VPS13B: variants seen among roughly 807,000 people sequenced by gnomAD.
VPS13B encodes the protein intermembrane lipid transfer protein VPS13B.
VPS13B carries 285 observed loss-of-function variants against 426.4 expected under a neutral mutation model. The ratio of observed to expected loss-of-function variants is 0.67; its 90% CI spans 0.61 to 0.74. The LOEUF is 0.74. Ranked by LOEUF, VPS13B falls within the 30% of genes least tolerant of loss-of-function variation. The pLI is 0.00. For synonymous variants in VPS13B, 1,676 were observed against 1,676.4 expected, an observed-to-expected ratio of 1.00 and a Z score of 0.01; for missense variants, 4,537 against 4,782.6, an observed-to-expected ratio of 0.95 and a Z score of 1.51.
intron 51 of VPS13B, among the ~76,000 whole-genome samples, chr8:99,831,676 A>G (rs1349346585): frequency 6.6e-6 from 1 of 152,214 alleles, no homozygotes; most frequent in East Asian, 1.9e-4. Context: ...CAATACAACA[A>G]TTTTTAAAAT....
chr8:99,018,259 G>A (rs891523257), intron 2 of VPS13B, among the ~76,000 whole-genome samples: 2 of 152,090 alleles, frequency 1.3e-5, no homozygotes, highest in African/African-American at 2.4e-5. Flanking sequence ...GGTGGCTCAC[G>A]CCTGTAATCC....
At chr8:99,835,347 T>C (rs1378968504) in intron 53 of VPS13B, 23 bp downstream of exon 53, 1 of 1,601,262 alleles carries the variant, frequency 6.2e-7, no homozygotes, top group Non-Finnish European at 8.6e-7. Flanking sequence ...CTATCGAATT[T>C]AGATAATACT....
chr8:99,844,517 G>A (rs1184509929), intron 54 of VPS13B, among the ~76,000 whole-genome samples: 1 of 151,942 alleles, frequency 6.6e-6, no homozygotes, highest in Admixed American at 6.6e-5. Flanking sequence ...ACAGGCACCC[G>A]CCACCATGCC....
intron 3 of VPS13B, among the ~76,000 whole-genome samples, chr8:99,078,895 A>G (rs1845287693): frequency 6.6e-6 from 1 of 152,064 alleles, no homozygotes; most frequent in Non-Finnish European, 1.5e-5. Flanking sequence ...TGGGAGATGC[A>G]TGCTGGTGCC....
intron 17 of VPS13B, chr8:99,233,129 T>C: frequency 3.0e-6 from 4 of 1,348,340 alleles, no homozygotes; most frequent in Non-Finnish European, 3.2e-6. Context: ...TCCCTGATAC[T>C]GCGCTGTGCA....
intron 19 of VPS13B, among the ~76,000 whole-genome samples, chr8:99,284,799 G>A (rs965510946): frequency 6.6e-6 from 1 of 152,002 alleles, no homozygotes; most frequent in Non-Finnish European, 1.5e-5. Context: ...ACGTTCAAGC[G>A]ATCTTTCCAC....
rs1305114915 is a variant in VPS13B at position 99,372,266 on chromosome 8, C to A, written c.2825-11942C>A. ...CTCCGTCTCAAAAAAAAAAAAAAAA[C>A]AAAAAACACCAAAAGCAATGGCAAC... On this transcript the variant is annotated intron_variant, in intron 19 of 61. Transcript: ENST00000357162. Among the ~76,000 whole-genome samples the A allele has an allele frequency of 9.5e-3, 1,303 of 137,822 alleles. 18 individuals are homozygous for A. Among genetic ancestry groups the A allele is most frequent in the African/African-American group, 0.03 (1,116 of 36,970 alleles). The allele number at this position is 137,822 out of a possible 152,430, so 90.4% of individuals were successfully genotyped here.
chr8:99,651,577 T>A (rs1829814838), intron 34 of VPS13B, among the ~76,000 whole-genome samples: 1 of 152,182 alleles, frequency 6.6e-6, no homozygotes, highest in Non-Finnish European at 1.5e-5. Context: ...AGCACCTTTA[T>A]ACATAGCAGC....
intron 24 of VPS13B, among the ~76,000 whole-genome samples, chr8:99,472,841 G>T (rs1819485124): frequency 6.6e-6 from 1 of 151,830 alleles, no homozygotes; most frequent in Admixed American, 6.6e-5. Context: ...ATGAATAAAG[G>T]GGAGTTGATA....
chr8:99,071,384 G>C (rs1844844033), intron 3 of VPS13B, among the ~76,000 whole-genome samples: 1 of 152,136 alleles, frequency 6.6e-6, no homozygotes, highest in African/African-American at 2.4e-5. Flanking sequence ...TCTTCAGTAA[G>C]GTCCAAGAGA....
intron 17 of VPS13B, among the ~76,000 whole-genome samples, chr8:99,258,403 A>T (rs986222601): frequency 6.6e-6 from 1 of 151,972 alleles, no homozygotes; most frequent in Admixed American, 6.6e-5. Context: ...AATCACTCTA[A>T]TATTGCATCA....
chr8:99,404,309 A>G (rs1289609301), intron 21 of VPS13B, among the ~76,000 whole-genome samples: 4 of 152,212 alleles, frequency 2.6e-5, no homozygotes, highest in African/African-American at 9.6e-5. Flanking sequence ...AAATTCAACC[A>G]ATTTTTTTTT....
intron 3 of VPS13B, among the ~76,000 whole-genome samples, chr8:99,051,349 G>A (rs1305083082): frequency 6.6e-6 from 1 of 152,094 alleles, no homozygotes; most frequent in Non-Finnish European, 1.5e-5. Context: ...TAGATATGCG[G>A]CATTATTTCT....
At chr8:99,803,788 T>C (rs775597481) in intron 43 of VPS13B, among the ~76,000 whole-genome samples, 1 of 152,232 alleles carries the variant, frequency 6.6e-6, no homozygotes, top group Non-Finnish European at 1.5e-5. Context: ...CAGTTCCACT[T>C]AGACTCATGT....
At chr8:99,518,127 C>T (rs1822186115) in intron 29 of VPS13B, among the ~76,000 whole-genome samples, 1 of 151,812 alleles carries the variant, frequency 6.6e-6, no homozygotes, top group Non-Finnish European at 1.5e-5. Context: ...GTATGTAACA[C>T]CAAGTACGTC....
At chr8:99,414,535 AT>A (rs1815881627) in intron 21 of VPS13B, among the ~76,000 whole-genome samples, 1 of 152,014 alleles carries the variant, frequency 6.6e-6, no homozygotes, top group South Asian at 2.1e-4. Context: ...ACAATTTGGT[AT>A]GTTTTTGCAG....
At chr8:99,225,393 C>T (rs1815961853) in intron 17 of VPS13B, among the ~76,000 whole-genome samples, 1 of 152,098 alleles carries the variant, frequency 6.6e-6, no homozygotes, top group Non-Finnish European at 1.5e-5. Flanking sequence ...CATTCTGCCT[C>T]AGCCTCCCGA....
At chr8:99,784,234 C>T (rs1812151001) in intron 42 of VPS13B, 81 bp from the exon 43 acceptor site, 2 of 1,578,660 alleles carry the variant, frequency 1.3e-6, no homozygotes, top group South Asian at 1.1e-5. Context: ...TGTGTTGTAA[C>T]AATCGCCACT....
chr8:99,261,659 G>A (rs1365525800), intron 17 of VPS13B, among the ~76,000 whole-genome samples: 1 of 152,120 alleles, frequency 6.6e-6, no homozygotes, highest in Non-Finnish European at 1.5e-5. Context: ...CAGAGTGACT[G>A]TAGCCATTTT....
Sources: allele counts gnomAD v4.1 joint callset (sites outside exome capture counted in the v4.1 genomes callset), GRCh38; gene constraint gnomAD v4.1.1; transcripts MANE v1.5; gene names NCBI Gene and HGNC (gene_info 2026-07-23, HGNC 2026-07-21).